The following TUBGCP3 variants were observed in gnomAD, a reference collection of about 807,000 sequenced individuals.
TUBGCP3 encodes the protein tubulin gamma complex component 3, also known as gamma-tubulin complex component 3.
In TUBGCP3, 50 loss-of-function variants were observed where a neutral mutation model predicts 123.1. The observed-to-expected ratio is 0.41, with a 90% confidence interval of 0.32 to 0.51. TUBGCP3 has a LOEUF of 0.51. Ranked by LOEUF, TUBGCP3 falls within the 20% of genes least tolerant of loss-of-function variation. The pLI is 0.36. For missense variants in TUBGCP3, 882 were observed against 1,127.0 expected, an observed-to-expected ratio of 0.78 and a Z score of 3.11; for synonymous variants, 405 against 413.9, an observed-to-expected ratio of 0.98 and a Z score of 0.26.
intron 8 of TUBGCP3, among the ~76,000 whole-genome samples, chr13:112,551,614 G>A (rs182040623): frequency 5.3e-5 from 8 of 152,272 alleles, no homozygotes; most frequent in South Asian, 2.1e-4. Flanking sequence ...AGAGTGACAC[G>A]TCACACCCTA....
At chr13:112,548,384 A>C (rs757762906) in intron 8 of TUBGCP3, among the ~76,000 whole-genome samples, 1 of 152,230 alleles carries the variant, frequency 6.6e-6, no homozygotes, top group Non-Finnish European at 1.5e-5. Flanking sequence ...TAGTACAAAA[A>C]GCATGAACTT....
Position 112,490,168 on chromosome 13 carries a change from T to C in TUBGCP3, c.2449-471A>G, listed in dbSNP as rs116664465. Among the ~76,000 whole-genome samples the C allele has an allele frequency of 5.8e-3, 884 of 152,376 alleles. 9 individuals carry two copies. Among genetic ancestry groups the C allele is most frequent in the African/African-American group, 0.02 (850 of 41,580 alleles). ...GATGTACTTTTTGGTACTGGAGATA[T>C]ACCCGTTTATTTCTATTTTTAAGAT... is the stretch of plus-strand genomic sequence containing the variant. On this transcript the variant is annotated intron_variant, in intron 20 of 21. Transcript: ENST00000261965.
chr13:112,502,395 G>T (rs1372269835), intron 19 of TUBGCP3, among the ~76,000 whole-genome samples: 2 of 152,142 alleles, frequency 1.3e-5, no homozygotes, highest in African/African-American at 4.8e-5. Flanking sequence ...CTAAACGTGT[G>T]CGGACAATGC....
intron 11 of TUBGCP3, among the ~76,000 whole-genome samples, chr13:112,537,148 T>TTTA (rs1555340956): frequency 1.8e-5 from 2 of 109,066 alleles, no homozygotes; most frequent in South Asian, 3.0e-4. Context: ...TTTTTTTTTT[T>TTTA]AAAAAAAAAA....
At chr13:112,553,318 T>C (rs72656181) in intron 8 of TUBGCP3, among the ~76,000 whole-genome samples, 23,916 of 152,206 alleles carry the variant, frequency 0.16, 2,111 homozygotes, top group Non-Finnish European at 0.21. Context: ...ACCCACCAGC[T>C]ACGCTGCCAT....
rs1881697413 is a variant in TUBGCP3 at position 112,511,904 on chromosome 13, C to T, written c.2086+4536G>A. On this transcript the variant is annotated intron_variant, in intron 17 of 21. Coordinates refer to ENST00000261965, the MANE Select transcript of TUBGCP3 (RefSeq NM_006322.6). This position sits in a 1 kb window ranked among gnomAD's most constrained non-coding sequence, Gnocchi z 4.1. ...ATGTGGCCCCACCAAGCTATTTCCACAGCCAGACACTGCTCTCCAATACCT... is the reference window on the plus strand; with the variant it reads ...ATGTGGCCCCACCAAGCTATTTCCATAGCCAGACACTGCTCTCCAATACCT... Among the ~76,000 whole-genome samples, 1 of 152,096 alleles carries T rather than the reference C, an allele frequency of 6.6e-6. No individual in the cohort carries two copies. Among genetic ancestry groups the T allele is most frequent in the South Asian group, 2.1e-4 (1 of 4,828 alleles).
intron 3 of TUBGCP3, among the ~76,000 whole-genome samples, chr13:112,562,280 C>A (rs906812892): frequency 2.0e-5 from 3 of 152,022 alleles, no homozygotes; most frequent in Non-Finnish European, 2.9e-5. Context: ...GGGAACACCA[C>A]CAGCCAGGAC....
At chr13:112,575,101 T>C (rs142598305) in intron 1 of TUBGCP3, among the ~76,000 whole-genome samples, 12 of 151,886 alleles carry the variant, frequency 7.9e-5, no homozygotes, top group Non-Finnish European at 1.5e-4. Flanking sequence ...AGGCTGGGGG[T>C]TCGGATTTTA....
Position 112,519,165 on chromosome 13 carries a change from T to G in TUBGCP3, c.1882-122A>C. On this transcript the variant is annotated intron_variant, in intron 15 of 21. Transcript: ENST00000261965. This position sits in a 1 kb window ranked among gnomAD's most constrained non-coding sequence, Gnocchi z 6.2. ...TTAAAAACTGCTCAACAGTTCTGAG[T>G]GCATCTTCTTGTTAACTTCTACAAC... The G allele has an allele frequency of 1.4e-6, 1 of 739,214 alleles. No homozygotes were observed. The highest frequency in any genetic ancestry group is 2.2e-5 in the Admixed American group (1 of 44,598). 45.8% of individuals were successfully genotyped at this position (739,214 alleles called of 1,614,324 possible).
upstream of TUBGCP3, among the ~76,000 whole-genome samples, chr13:112,588,735 C>T (rs1301059765): frequency 6.6e-6 from 1 of 152,162 alleles, no homozygotes; most frequent in Non-Finnish European, 1.5e-5. Flanking sequence ...TCAGTGCAAT[C>T]GTTAAAGCTT....
chr13:112,594,717 T>C, the TUBGCP3 span, among the ~76,000 whole-genome samples: 1 of 152,254 alleles, frequency 6.6e-6, no homozygotes, highest in South Asian at 2.1e-4. Flanking sequence ...TAAATTTCTG[T>C]CTAAGCACTG....
At chr13:112,498,666 CACGTTTGCAAAATGCAGCAT>C in intron 20 of TUBGCP3, 1 of 1,147,604 alleles carries the variant, frequency 8.7e-7, no homozygotes, top group African/African-American at 1.6e-5. Flanking sequence ...TGTAGATGCA[CACGTTTGCAAAATGCAGCAT>C]GGTGCACGAT....
At chr13:112,570,961 C>T (rs1295457679) in intron 1 of TUBGCP3, among the ~76,000 whole-genome samples, 3 of 152,222 alleles carry the variant, frequency 2.0e-5, no homozygotes, top group African/African-American at 7.2e-5. Context: ...CATCCCTTCA[C>T]ATTTTATCAT....
chr13:112,533,649 CTGT>C (rs1483900796), intron 11 of TUBGCP3, among the ~76,000 whole-genome samples: 1 of 151,830 alleles, frequency 6.6e-6, no homozygotes, highest in East Asian at 1.9e-4. Flanking sequence ...ACATGTTGAG[CTGT>C]TGCAGGTGCT....
chr13:112,511,268 C>A lies in TUBGCP3; in HGVS notation c.2086+5172G>T, dbSNP rs924651142. On this transcript the variant is annotated intron_variant, in intron 17 of 21. Transcript: ENST00000261965. This position sits in a 1 kb window ranked among gnomAD's most constrained non-coding sequence, Gnocchi z 4.1. ...TCACAGGGCACTGCTGGCCCGCGGG[C>A]ACCTGCCTTTCCTGGTAAGATAAAA... Among the ~76,000 whole-genome samples, 1 of 152,202 alleles carries A rather than the reference C, an allele frequency of 6.6e-6. No homozygotes were observed. Among genetic ancestry groups the A allele is most frequent in the Non-Finnish European group, 1.5e-5 (1 of 68,038 alleles).
At chr13:112,550,759 G>A (rs1879493381) in intron 8 of TUBGCP3, among the ~76,000 whole-genome samples, 1 of 152,210 alleles carries the variant, frequency 6.6e-6, no homozygotes, top group Non-Finnish European at 1.5e-5. Flanking sequence ...CCCAGCCCCA[G>A]GGCAGGAGAG....
At chr13:112,543,788 T>C (rs1878724330) in intron 11 of TUBGCP3, among the ~76,000 whole-genome samples, 1 of 152,202 alleles carries the variant, frequency 6.6e-6, no homozygotes, top group East Asian at 1.9e-4. Context: ...TTAAAAGATA[T>C]AATTTTTTAA....
the TUBGCP3 span, chr13:112,603,994 C>T: frequency 6.6e-6 from 1 of 152,214 alleles, no homozygotes; most frequent in African/African-American, 2.4e-5. Context: ...ACAGAGACTG[C>T]AACACTGTCC....
rs1594174584 is a variant in TUBGCP3, at chr13:112,545,351, A to G, written c.1335+348T>C. 1 of 236,346 alleles carries G rather than the reference A, an allele frequency of 4.2e-6. No homozygotes were observed. Among genetic ancestry groups the G allele is most frequent in the Admixed American group, 4.8e-5 (1 of 21,024 alleles). 14.6% of individuals were successfully genotyped at this position (236,346 alleles called of 1,614,324 possible). A position where few individuals can be genotyped will look rare whatever the true frequency, so the allele number is the denominator to read the frequency against. On this transcript the variant is annotated intron_variant, in intron 11 of 21. Coordinates refer to ENST00000261965, the MANE Select transcript of TUBGCP3 (RefSeq NM_006322.6). This position sits in a 1 kb window ranked among gnomAD's most constrained non-coding sequence, Gnocchi z 4.1. The stretch of plus-strand genomic sequence containing the variant: ...TGTTAGCACCAAAGTGAGTTTGCAA[A>G]GTAATCATGGCAAAGCAGCAGAATC...
Sources: gnomAD v4.1 joint callset for allele counts (sites outside exome capture counted in the v4.1 genomes callset) on GRCh38, gnomAD v4.1.1 for gene constraint, Gnocchi (gnomAD v3.1) non-coding constraint, MANE v1.5 for transcripts, NCBI Gene and HGNC (gene_info 2026-07-23, HGNC 2026-07-21) for gene names.